Variants in CCDC22 observed in about 807,000 individuals in gnomAD.
CCDC22 encodes CCC complex scaffolding subunit CCDC22.
In CCDC22, 4 loss-of-function variants were observed where a neutral mutation model predicts 53.1. The observed-to-expected ratio is 0.08, with a 90% CI of 0.04 to 0.17. CCDC22 has a LOEUF of 0.17. CCDC22 is among the 10% of genes least tolerant of loss of function. The pLI is 1.00. For missense variants in CCDC22, 458 were observed against 554.0 expected (o/e 0.83, Z 1.74); for synonymous variants, 222 against 224.4 (o/e 0.99, Z 0.10).
rs148969169 is a variant in CCDC22 at position 49,248,211 on chromosome X, C to T, written c.1113C>T (p.His371=). 1.7e-5 allele frequency: 21 copies of T among 1,202,270 alleles called. No homozygotes were observed. The highest frequency in any genetic ancestry group is 2.3e-5 in the Non-Finnish European group (21 of 894,933). ...GCCAGGCAGAGTCTGAGTGCCGGCA[C>T]AGCAAGCTCAGTACAGCAGAGCGTG... The part of the protein sequence containing the change: ...SFVQAESECR[H]SKLSTAEREQ... Residue 371 remains histidine (H), a synonymous_variant, in exon 10 of 17, where the codon CAC becomes CAT. Coordinates refer to ENST00000376227, the MANE Select transcript of CCDC22 (RefSeq NM_014008.5).
At chrX:49,249,033 A>G in intron 13 of CCDC22, 109 bp downstream of exon 13, 1 of 1,132,862 alleles carries the variant, frequency 8.8e-7, no homozygotes, top group South Asian at 2.0e-5. Context: ...ACTCTAACAC[A>G]GAATAGTCAC....
chrX:49,245,518 A>G (rs1200657950), intron 6 of CCDC22, among the ~76,000 whole-genome samples: 2 of 111,107 alleles, frequency 1.8e-5, no homozygotes, highest in East Asian at 5.6e-4. Context: ...GACTACAGGC[A>G]TGCACCACCA....
chrX:49,235,733 C>A, intron 1 of CCDC22, 47 bp downstream of exon 1: 1 of 1,095,155 alleles, frequency 9.1e-7, no homozygotes. Flanking sequence ...ATCCGGGACT[C>A]TAAAGCCCAG....
chrX:49,242,599 G>C (rs1430835812), intron 3 of CCDC22, among the ~76,000 whole-genome samples: 1 of 111,342 alleles, frequency 9.0e-6, no homozygotes, highest in Non-Finnish European at 1.9e-5. Context: ...CTGCAGTCTG[G>C]ATGGTATTCA....
rs957551167 is a variant in CCDC22 at position 49,245,978 on chromosome X, T to G, written c.715-753T>G. 1.3e-3 allele frequency among the ~76,000 whole-genome samples: 139 copies of G among 106,814 alleles called. 5 individuals are homozygous for G. The East Asian group carries it at 0.022, about 17-fold the overall frequency. 92.8% of individuals were successfully genotyped at this position (106,814 alleles called of 115,157 possible). On this transcript the variant is annotated intron_variant, in intron 6 of 16. Transcript: ENST00000376227. ...TTTTGTTTTGTTTTGTTTTGTTTTT[T>G]TTTTGTTTTTTTTTGTTTTGTTTTT...
At chrX:49,246,996 C>T (rs1377664636) in intron 7 of CCDC22, 71 bp downstream of exon 7, 7 of 878,964 alleles carry the variant, frequency 8.0e-6, no homozygotes, top group Non-Finnish European at 1.1e-5. Context: ...TTTGTGTCAG[C>T]ACCACACCTT....
At chrX:49,249,129 C>T in intron 13 of CCDC22, 38 bp from the exon 14 acceptor site, 2 of 1,172,884 alleles carry the variant, frequency 1.7e-6, no homozygotes, top group Non-Finnish European at 1.2e-6. Context: ...GCCAGCCTGC[C>T]CCAGGCAGGG....
intron 2 of CCDC22, among the ~76,000 whole-genome samples, chrX:49,241,210 G>A (rs1270337987): frequency 1.8e-5 from 2 of 111,681 alleles, no homozygotes; most frequent in African/African-American, 3.3e-5. Context: ...TTCCTAGGCC[G>A]GGTGTGGTGA....
At chrX:49,241,972 G>A in intron 2 of CCDC22, 44 bp from the exon 3 acceptor site, 1 of 1,204,989 alleles carries the variant, frequency 8.3e-7, no homozygotes, top group South Asian at 1.8e-5. Flanking sequence ...TCCCAGGGCA[G>A]GAGGACCCTG....
At chrX:49,242,260 C>T (rs1241077388) in intron 3 of CCDC22, 112 bp downstream of exon 3, 30 of 1,118,707 alleles carry the variant, frequency 2.7e-5, no homozygotes, top group East Asian at 6.4e-5. Context: ...GTAGGGGTGG[C>T]GGTATGTGCC....
rs1361476707 is a variant in CCDC22, at chrX:49,243,055, C to T, written c.468+63C>T. ...CGTCTGGGTGCCCAGGGTTTTGGCCCCCTACCCCTGGCAACCCTCATCCCA... is the reference window on the plus strand; with the variant it reads ...CGTCTGGGTGCCCAGGGTTTTGGCCTCCTACCCCTGGCAACCCTCATCCCA... On this transcript the variant is annotated intron_variant, in intron 4 of 16. Transcript: ENST00000376227. 11 of 1,154,214 alleles carry T rather than the reference C, an allele frequency of 9.5e-6. No homozygotes were observed. The African/African-American group carries it at 1.8e-4, about 19-fold the overall frequency.
chrX:49,238,251 T>A (rs2065947761), intron 2 of CCDC22, among the ~76,000 whole-genome samples: 1 of 110,077 alleles, frequency 9.1e-6, no homozygotes, highest in Non-Finnish European at 1.9e-5. Flanking sequence ...CAGTTAATTT[T>A]TGTATTTTTA....
At chrX:49,249,391 T>A in intron 14 of CCDC22, 118 bp from the exon 15 acceptor site, 4 of 893,587 alleles carry the variant, frequency 4.5e-6, no homozygotes, top group Non-Finnish European at 6.5e-6. Flanking sequence ...TACCCAGGGC[T>A]GGCTTTGTTT....
Position 49,247,123 on chromosome X carries a change from G to A in CCDC22, c.909+198G>A, listed in dbSNP as rs1343993923. 4 of 450,953 alleles carry A rather than the reference G, an allele frequency of 8.9e-6. No homozygotes were observed. The South Asian group carries it at 1.0e-4, about 11-fold the overall frequency. 37.2% of individuals were successfully genotyped at this position (450,953 alleles called of 1,213,427 possible). A position where few individuals can be genotyped will look rare whatever the true frequency, so the allele number is the denominator to read the frequency against. On this transcript the variant is annotated intron_variant, in intron 7 of 16. Transcript: ENST00000376227. Reference sequence around the variant, plus strand: ...TGACTGGAGAAAATGTGGATAGGTGGGAACCATGCAAAGGTGTGGGGGTGT... The same window carrying A: ...TGACTGGAGAAAATGTGGATAGGTGAGAACCATGCAAAGGTGTGGGGGTGT...
Position 49,249,049 on chromosome X carries a change from A to G in CCDC22, c.1540-118A>G, listed in dbSNP as rs959618328. On this transcript the variant is annotated intron_variant, in intron 13 of 16. Coordinates refer to ENST00000376227, the MANE Select transcript of CCDC22 (RefSeq NM_014008.5). ...CTCTAACACAGAATAGTCACACACA[A>G]TCCATCCCAGTCACCCCTGACACAG... 1.9e-5 allele frequency: 21 copies of G among 1,117,350 alleles called. No individual in the cohort carries two copies. The African/African-American group carries it at 3.8e-4, about 20-fold the overall frequency. The allele number at this position is 1,117,350 out of a possible 1,213,427, so 92.1% of individuals were successfully genotyped here.
rs1402569398 is a variant in CCDC22, at chrX:49,242,352, C to T, written c.361+204C>T. 18 of 746,375 alleles carry T rather than the reference C, an allele frequency of 2.4e-5. No homozygotes were observed. The Admixed American group carries it at 7.9e-4, about 33-fold the overall frequency. 61.5% of individuals were successfully genotyped at this position (746,375 alleles called of 1,213,427 possible). On this transcript the variant is annotated intron_variant, in intron 3 of 16. Coordinates refer to ENST00000376227, the MANE Select transcript of CCDC22 (RefSeq NM_014008.5). Reference sequence around the variant, plus strand: ...CAGGGGGCTGAGGTTGAGCTGACCCCGGTGGTGCGTTGGTGCGGGGAGGGG... The same window carrying T: ...CAGGGGGCTGAGGTTGAGCTGACCCTGGTGGTGCGTTGGTGCGGGGAGGGG...
chrX:49,249,232 G>C lies in CCDC22; in HGVS notation c.1605G>C (p.Thr535=), dbSNP rs1246872911. 8.3e-7 allele frequency: 1 copy of C among 1,208,114 alleles called. No homozygotes were observed. The highest frequency in any genetic ancestry group is 2.2e-5 in the Admixed American group (1 of 45,861). ...INSLSGKLDR[T]FAVTDELVFK... ...CCCTATCTGGGAAGCTGGACCGGACGTTTGCGGTGACTGATGAGCTTGTGT... is the reference window on the plus strand; with the variant it reads ...CCCTATCTGGGAAGCTGGACCGGACCTTTGCGGTGACTGATGAGCTTGTGT... Residue 535 remains threonine, a synonymous_variant, in exon 14 of 17, where the codon ACG becomes ACC. Coordinates refer to ENST00000376227, the MANE Select transcript of CCDC22 (RefSeq NM_014008.5).
At position 49,237,245 on chromosome X, in the gene CCDC22, C is replaced by T; in HGVS notation, c.210C>T (p.Ser70=). Residue 70 remains serine, a synonymous_variant, in exon 2 of 17, where the codon AGC becomes AGT. Transcript: ENST00000376227. ...AMSARFRLAM[S]LAQACMDLGY... is the part of the protein sequence containing the mutation. ...CTGCCCGGTTCCGCCTGGCCATGAG[C>T]CTGGCTCAGGCCTGCATGGTGAGTG... The T allele has an allele frequency of 1.7e-6, 2 of 1,209,265 alleles. No individual in the cohort carries two copies. The highest frequency in any genetic ancestry group is 2.2e-6 in the Non-Finnish European group (2 of 893,986).
At chrX:49,239,647 C>T (rs782085520) in intron 2 of CCDC22, among the ~76,000 whole-genome samples, 1 of 110,596 alleles carries the variant, frequency 9.0e-6, no homozygotes, top group East Asian at 2.8e-4. Context: ...TCCCTTCGCT[C>T]TCAGGTTCAC....
Sources: allele counts gnomAD v4.1 joint callset (sites outside exome capture counted in the v4.1 genomes callset), GRCh38; gene constraint gnomAD v4.1.1; transcripts MANE v1.5; gene names NCBI Gene and HGNC (gene_info 2026-07-23, HGNC 2026-07-21).